PCNX2: variants seen among roughly 807,000 people sequenced by gnomAD.
PCNX2 encodes pecanex 2.
Under a neutral mutation model 223.8 loss-of-function variants are expected in PCNX2, and 168 were observed. The observed-to-expected ratio is 0.75, with a 90% CI of 0.66 to 0.85. PCNX2 has a LOEUF of 0.85. Among genes scored for constraint, PCNX2 ranks in the 40% least tolerant of loss-of-function variants. The probability of loss-of-function intolerance (pLI) is 0.00; values close to 1 mark genes in which losing one functional copy is unlikely to be tolerated. For synonymous variants in PCNX2, 1,006 were observed against 1,052.6 expected (o/e 0.96, Z 0.86); for missense variants, 2,507 against 2,675.5 (o/e 0.94, Z 1.39).
rs1669945354 is a variant in PCNX2 at position 232,998,233 on chromosome 1, G to A, written c.5791+18C>T. 6.6e-7 allele frequency: 1 copy of A among 1,515,188 alleles called. No individual in the cohort carries two copies. The highest frequency in any genetic ancestry group is 8.8e-7 in the Non-Finnish European group (1 of 1,133,644). The allele number at this position is 1,515,188 out of a possible 1,614,324, so 93.9% of individuals were successfully genotyped here. ...AATAGGACTTCATCGATAGTTTGGA[G>A]GCCCCTGCTGCACCCACCTGTTCTC... On this transcript the variant is annotated intron_variant, in intron 32 of 33. Coordinates refer to ENST00000258229, the MANE Select transcript of PCNX2 (RefSeq NM_014801.4).
chr1:233,283,153 T>A (rs941582249), intron 1 of PCNX2, among the ~76,000 whole-genome samples: 1 of 152,134 alleles, frequency 6.6e-6, no homozygotes, highest in Non-Finnish European at 1.5e-5. Flanking sequence ...TGTTGTGAGC[T>A]AGAGTTCTCA....
At chr1:233,268,579 T>C (rs569248974) in intron 1 of PCNX2, among the ~76,000 whole-genome samples, 1 of 152,334 alleles carries the variant, frequency 6.6e-6, no homozygotes, top group African/African-American at 2.4e-5. Context: ...AAGTGGGTCA[T>C]GCTGCAGCGT....
intron 10 of PCNX2, among the ~76,000 whole-genome samples, chr1:233,222,616 A>C (rs1004837095): frequency 1.3e-5 from 2 of 152,206 alleles, no homozygotes; most frequent in Non-Finnish European, 2.9e-5. Context: ...CAGATGAGAG[A>C]TGAAATGGCT....
intron 10 of PCNX2, among the ~76,000 whole-genome samples, chr1:233,224,594 G>A (rs74147305): frequency 6.6e-6 from 1 of 151,946 alleles, no homozygotes; most frequent in Non-Finnish European, 1.5e-5. Context: ...CAATGATTCC[G>A]ACCCACAGCC....
chr1:233,049,560 T>G (rs1671927582), intron 25 of PCNX2, among the ~76,000 whole-genome samples: 1 of 152,124 alleles, frequency 6.6e-6, no homozygotes, highest in Admixed American at 6.5e-5. Flanking sequence ...AAGACAAGGA[T>G]GCCCACTCTT....
intron 5 of PCNX2, among the ~76,000 whole-genome samples, chr1:233,255,195 CG>C (rs1558395745): frequency 6.6e-6 from 1 of 152,034 alleles, no homozygotes; most frequent in East Asian, 1.9e-4. Flanking sequence ...ATAATTAGCC[CG>C]AAATGGCCAG....
At chr1:233,068,924 C>T (rs1672732470) in intron 23 of PCNX2, among the ~76,000 whole-genome samples, 1 of 151,934 alleles carries the variant, frequency 6.6e-6, no homozygotes, top group Non-Finnish European at 1.5e-5. Context: ...ACCTACGCTG[C>T]CTACAAGAAA....
At chr1:232,986,616 C>T in intron 32 of PCNX2, 76 bp from the exon 33 acceptor site, 1 of 1,357,062 alleles carries the variant, frequency 7.4e-7, no homozygotes, top group South Asian at 1.5e-5. Flanking sequence ...CAGCAGGTGG[C>T]CTGCTCTGCC....
chr1:233,160,191 T>C, intron 19 of PCNX2, 92 bp downstream of exon 19: 1 of 1,366,580 alleles, frequency 7.3e-7, no homozygotes, highest in Non-Finnish European at 1.0e-6. Flanking sequence ...TCTGTGGCAT[T>C]AAGTACATTC....
chr1:233,265,694 T>G (rs1256098058), intron 1 of PCNX2, among the ~76,000 whole-genome samples: 2 of 152,320 alleles, frequency 1.3e-5, no homozygotes, highest in South Asian at 2.1e-4. Flanking sequence ...CTGTGGAAGC[T>G]AGCAATACTT....
intron 12 of PCNX2, among the ~76,000 whole-genome samples, chr1:233,215,383 C>A (rs969408066): frequency 6.6e-6 from 1 of 152,194 alleles, no homozygotes; most frequent in East Asian, 1.9e-4. Context: ...AGTTAAATGT[C>A]TGACTATGTC....
At chr1:233,105,330 C>T (rs1361388252) in intron 21 of PCNX2, among the ~76,000 whole-genome samples, 1 of 152,066 alleles carries the variant, frequency 6.6e-6, no homozygotes, top group Non-Finnish European at 1.5e-5. Flanking sequence ...GCAGAAAGGA[C>T]GTTGAAAAAT....
chr1:233,218,237 A>G, intron 10 of PCNX2, 53 bp from the exon 11 acceptor site: 1 of 885,430 alleles, frequency 1.1e-6, no homozygotes, highest in Non-Finnish European at 1.5e-6. Flanking sequence ...AAAAAAGTGT[A>G]AGTTTTGCCT....
At chr1:233,221,365 T>G (rs1408220114) in intron 10 of PCNX2, among the ~76,000 whole-genome samples, 1 of 152,084 alleles carries the variant, frequency 6.6e-6, no homozygotes, top group Non-Finnish European at 1.5e-5. Flanking sequence ...TCCAAAGGTC[T>G]TTGAAATAAA....
At chr1:233,303,098 A>T in the PCNX2 span, among the ~76,000 whole-genome samples, 1 of 152,086 alleles carries the variant, frequency 6.6e-6, no homozygotes, top group African/African-American at 2.4e-5. Flanking sequence ...TCTTTTTAAG[A>T]TTTGTCAAAT....
rs537785413 is a variant in PCNX2, at chr1:233,066,041, T to C, written c.4077-8751A>G. Among the ~76,000 whole-genome samples the C allele has an allele frequency of 2.5e-4, 38 of 152,236 alleles. No individual in the cohort carries two copies. In the Middle Eastern group the frequency reaches 0.01, roughly 41 times the overall value. On this transcript the variant is annotated intron_variant, in intron 23 of 33. Transcript: ENST00000258229. ...CATGCACTCCCCCATTCCGAGCCCA[T>C]AAAAACCCTGGACTCAGCCACACTT...
chr1:233,308,437 C>T, the PCNX2 span, among the ~76,000 whole-genome samples: 1,526 of 149,788 alleles, frequency 0.01, 26 homozygotes, highest in African/African-American at 0.035. Context: ...CCAGCCTGGG[C>T]GACAGAGCAA....
At chr1:233,218,361 G>A (rs1308972633) in intron 10 of PCNX2, among the ~76,000 whole-genome samples, 177 bp from the exon 11 acceptor site, 1 of 148,712 alleles carries the variant, frequency 6.7e-6, no homozygotes, top group Non-Finnish European at 1.5e-5. Flanking sequence ...CAATCCTCCT[G>A]CCTCAGCCTC....
chr1:233,231,579 A>T (rs1658065178), intron 9 of PCNX2: 3 of 917,098 alleles, frequency 3.3e-6, no homozygotes, highest in Non-Finnish European at 3.9e-6. Flanking sequence ...ATTGAAAATA[A>T]TTAGAGGTTC....
Sources: allele counts gnomAD v4.1 joint callset (sites outside exome capture counted in the v4.1 genomes callset), GRCh38; gene constraint gnomAD v4.1.1; transcripts MANE v1.5; gene names NCBI Gene and HGNC (gene_info 2026-07-23, HGNC 2026-07-21).